The following TNRC6C variants were observed in gnomAD, a reference collection of about 807,000 sequenced individuals.
The protein encoded by TNRC6C is trinucleotide repeat-containing gene 6C protein.
A neutral mutation model predicts 153.7 loss-of-function variants in TNRC6C; 20 were observed. The ratio of observed to expected loss-of-function variants is 0.13; its 90% confidence interval spans 0.09 to 0.19. The LOEUF is 0.19. TNRC6C is among the 10% of genes least tolerant of loss of function. The pLI, the probability that TNRC6C is intolerant of heterozygous loss-of-function variation, is 1.00. For synonymous variants in TNRC6C, 811 were observed against 841.4 expected, an observed-to-expected ratio of 0.96 and a Z score of 0.63; for missense variants, 1,987 against 2,172.0, an observed-to-expected ratio of 0.91 and a Z score of 1.69.
chr17:78,000,896 G>A (rs2071403543), upstream of TNRC6C, among the ~76,000 whole-genome samples: 1 of 152,182 alleles, frequency 6.6e-6, no homozygotes, highest in East Asian at 1.9e-4. Flanking sequence ...TTTGCATGAA[G>A]TGGCTGGATT....
rs965606067 is a variant in TNRC6C, at chr17:78,048,960, C to G, written c.-103C>G. 1.3e-5 allele frequency: 18 copies of G among 1,377,286 alleles called. No homozygotes were observed. In the African/African-American group the frequency reaches 1.6e-4, roughly 12 times the overall value. 85.3% of individuals were successfully genotyped at this position (1,377,286 alleles called of 1,614,324 possible). A position where few individuals can be genotyped will look rare whatever the true frequency, so the allele number is the denominator to read the frequency against. ...ATAAAGTGATAATAGATAGGACTGA[C>G]AAGGAGGCGTGGCCTTCCATCACAG... On this transcript the variant is annotated 5_prime_UTR_variant, in exon 3 of 20. Coordinates refer to ENST00000301624, the Ensembl canonical transcript of TNRC6C.
Position 78,011,279 on chromosome 17 carries a change from A to G in TNRC6C, c.-546+6200A>G, listed in dbSNP as rs116062765. Among the ~76,000 whole-genome samples the G allele has an allele frequency of 1.2e-3, 188 of 152,352 alleles. 1 individual carries two copies. The highest frequency in any genetic ancestry group is 4.3e-3 in the African/African-American group (180 of 41,590). On this transcript the variant is annotated intron_variant, in intron 1 of 19. Transcript: ENST00000301624. ...ACCTGTTAAACCATCACCATGATCA[A>G]GATGACACCCATCATCCCTGAAGGT...
chr17:78,050,790 G>A (rs2072513488), exon 3 of TNRC6C: 2 of 1,609,892 alleles, frequency 1.2e-6, no homozygotes, highest in African/African-American at 1.3e-5. Context: ...AGCCTCCAAA[G>A]CCCAAATCCC....
At chr17:78,052,883 C>T (rs1411343856) in intron 3 of TNRC6C, among the ~76,000 whole-genome samples, 1 of 152,200 alleles carries the variant, frequency 6.6e-6, no homozygotes, top group Admixed American at 6.5e-5. Context: ...GGTCCGTGGG[C>T]TGCACCTAGT....
At chr17:78,007,830 A>C (rs2071549474) in intron 1 of TNRC6C, among the ~76,000 whole-genome samples, 1 of 152,244 alleles carries the variant, frequency 6.6e-6, no homozygotes, top group African/African-American at 2.4e-5. Context: ...AACTAGACCA[A>C]ATCAATTAGA....
intron 1 of TNRC6C, among the ~76,000 whole-genome samples, chr17:78,023,040 A>C (rs531264789): frequency 1.3e-5 from 2 of 152,136 alleles, no homozygotes; most frequent in African/African-American, 4.8e-5. Flanking sequence ...TGTCCCAGCT[A>C]TTTGGGAGGC....
At position 78,045,528 on chromosome 17, in the gene TNRC6C, G is replaced by A. The variant is rs556780779; in HGVS notation, c.-218-3317G>A. 1.5e-3 allele frequency among the ~76,000 whole-genome samples: 232 copies of A among 152,250 alleles called. 1 individual carries two copies. Among genetic ancestry groups the A allele is most frequent in the African/African-American group, 5.0e-3 (207 of 41,490 alleles). On this transcript the variant is annotated intron_variant, in intron 2 of 19. Transcript: ENST00000301624. ...GAAGTGGTTCCCTCAGAAGATGGAC[G>A]TGCTTGTTCAAAGCAGTCTGGGCTG...
intron 1 of TNRC6C, among the ~76,000 whole-genome samples, chr17:78,015,355 A>C (rs1454330426): frequency 6.6e-6 from 1 of 152,344 alleles, no homozygotes; most frequent in Non-Finnish European, 1.5e-5. Flanking sequence ...GGGGCATCCA[A>C]ATTTCAGAAA....
chr17:78,041,018 AT>A (rs1567930185), intron 2 of TNRC6C: 1 of 152,092 alleles, frequency 6.6e-6, no homozygotes, highest in Non-Finnish European at 1.5e-5. Flanking sequence ...CCCAGCCGAC[AT>A]GTTGTAGCGA....
At chr17:78,082,736 G>A (rs973852583) in intron 10 of TNRC6C, among the ~76,000 whole-genome samples, 6 of 152,156 alleles carry the variant, frequency 3.9e-5, no homozygotes, top group Admixed American at 3.9e-4. Context: ...CTGCTTTTCT[G>A]GGATAGGAAT....
intron 1 of TNRC6C, among the ~76,000 whole-genome samples, chr17:77,977,072 G>A (rs2071011666): frequency 6.6e-6 from 1 of 150,818 alleles, no homozygotes; most frequent in South Asian, 2.1e-4. Flanking sequence ...AATGTTTCCA[G>A]ATGGTATCTA....
intron 1 of TNRC6C, among the ~76,000 whole-genome samples, chr17:78,021,778 C>A (rs1394584692): frequency 6.6e-6 from 1 of 152,138 alleles, no homozygotes. Context: ...CCATGTTGGC[C>A]AAGCTGGTCT....
chr17:78,017,291 A>G (rs1053584986), intron 1 of TNRC6C, among the ~76,000 whole-genome samples: 1 of 151,706 alleles, frequency 6.6e-6, no homozygotes, highest in South Asian at 2.1e-4. Flanking sequence ...ATTGAATAAG[A>G]TAGAAGCACC....
At position 78,044,852 on chromosome 17, in the gene TNRC6C, G is replaced by A. The variant is rs149126601; in HGVS notation, c.-218-3993G>A. On this transcript the variant is annotated intron_variant, in intron 2 of 19. Coordinates refer to ENST00000301624, the Ensembl canonical transcript of TNRC6C. The stretch of plus-strand genomic sequence containing the variant: ...GTCTAAGTGACTTGAAAGGAAGACT[G>A]TTACAATGAATGTATGAGGGAGTCC... Among the ~76,000 whole-genome samples the A allele has an allele frequency of 2.5e-3, 374 of 152,292 alleles. 1 individual carries two copies. The highest frequency in any genetic ancestry group is 8.7e-3 in the African/African-American group (362 of 41,562).
exon 13 of TNRC6C, chr17:78,087,006 C>T: frequency 6.2e-7 from 1 of 1,613,924 alleles, no homozygotes; most frequent in Non-Finnish European, 8.5e-7. Flanking sequence ...GGACAGCTTC[C>T]CCTCGCACCC....
intron 1 of TNRC6C, among the ~76,000 whole-genome samples, chr17:78,014,488 T>C (rs1422806635): frequency 6.6e-6 from 1 of 152,046 alleles, no homozygotes; most frequent in South Asian, 2.1e-4. Context: ...TTAGATGTGC[T>C]TGCATATATG....
chr17:77,995,304 G>A (rs911873031), intron 1 of TNRC6C, among the ~76,000 whole-genome samples: 8 of 152,204 alleles, frequency 5.3e-5, no homozygotes, highest in African/African-American at 1.4e-4. Flanking sequence ...CAGGGGTGGC[G>A]ACATGGCTGG....
intron 1 of TNRC6C, among the ~76,000 whole-genome samples, chr17:77,963,650 A>G (rs1206424130): frequency 3.9e-5 from 6 of 152,234 alleles, no homozygotes; most frequent in Non-Finnish European, 8.8e-5. Context: ...ATAAAACATC[A>G]CTGCTGTAGC....
chr17:77,959,595 C>T (rs1029646625), intron 1 of TNRC6C, among the ~76,000 whole-genome samples: 2 of 152,154 alleles, frequency 1.3e-5, no homozygotes, highest in Non-Finnish European at 2.9e-5. Flanking sequence ...CCGGGCAGCC[C>T]CCCGCAGATT....
Sources: gnomAD v4.1 joint callset for allele counts (sites outside exome capture counted in the v4.1 genomes callset) on GRCh38, gnomAD v4.1.1 for gene constraint, MANE v1.5 for transcripts, NCBI Gene and HGNC (gene_info 2026-07-23, HGNC 2026-07-21) for gene names.